Variants in GGNBP2 observed in about 807,000 individuals in gnomAD.
The protein encoded by GGNBP2 is gametogenetin binding protein 2, also known as gametogenetin-binding protein 2.
Under a neutral mutation model 85.9 loss-of-function variants are expected in GGNBP2, and 10 were observed. The observed-to-expected ratio is 0.12, with a 90% CI of 0.07 to 0.20. GGNBP2 has a LOEUF of 0.20. Among genes scored for constraint, GGNBP2 ranks in the 10% least tolerant of loss-of-function variants. GGNBP2 has a pLI of 1.00. For synonymous variants in GGNBP2, 287 were observed against 285.7 expected (o/e 1.00, Z -0.05); for missense variants, 595 against 857.8 (o/e 0.69, Z 3.83).
In GGNBP2 at chr17:36,554,909, T is replaced by A; in HGVS notation, c.174+9T>A. On this transcript the variant is annotated intron_variant, in intron 3 of 13. Transcript: ENST00000613102. ...TAAAGCAGTTCATTCAGGTAATAGT[T>A]TTTTCAATCAGTGTTTTTAATGGTG... The A allele has an allele frequency of 6.5e-7, 1 of 1,537,788 alleles. No individual in the cohort carries two copies. Among genetic ancestry groups the A allele is most frequent in the South Asian group, 1.1e-5 (1 of 89,528 alleles).
chr17:36,562,705 G>A (rs2074429542), intron 5 of GGNBP2, among the ~76,000 whole-genome samples: 1 of 151,200 alleles, frequency 6.6e-6, no homozygotes, highest in Non-Finnish European at 1.5e-5. Flanking sequence ...AGTGGCTCAT[G>A]CCTGTAATCC....
At chr17:36,578,269 G>A (rs2074611363) in intron 7 of GGNBP2, 83 bp downstream of exon 7, 11 of 1,022,364 alleles carry the variant, frequency 1.1e-5, no homozygotes, top group Non-Finnish European at 1.6e-5. Context: ...ATCACCTTCT[G>A]CCTCAGTACA....
chr17:36,545,574 T>C (rs917653557), intron 1 of GGNBP2, 45 bp from the exon 2 acceptor site: 9 of 625,800 alleles, frequency 1.4e-5, no homozygotes, highest in Non-Finnish European at 2.0e-5. Flanking sequence ...GCGAATGTGC[T>C]GCGCAGCGGC....
At chr17:36,562,083 T>C (rs1437844905) in intron 5 of GGNBP2, among the ~76,000 whole-genome samples, 1 of 152,212 alleles carries the variant, frequency 6.6e-6, no homozygotes, top group Non-Finnish European at 1.5e-5. Flanking sequence ...GGCGAAGCCA[T>C]GGAGTGTGAA....
chr17:36,554,325 A>AT (rs1387066207), intron 2 of GGNBP2, among the ~76,000 whole-genome samples: 1 of 150,218 alleles, frequency 6.7e-6, no homozygotes, highest in African/African-American at 2.4e-5. Flanking sequence ...AAAAAAAAAA[A>AT]AATGGAAACT....
chr17:36,545,877 C>A (rs373877884), intron 2 of GGNBP2, 60 bp downstream of exon 2: 4 of 1,226,168 alleles, frequency 3.3e-6, no homozygotes, highest in African/African-American at 3.0e-5. Flanking sequence ...CCCCTCCTCC[C>A]CCTCCCCCAG....
chr17:36,552,432 C>CT (rs1355561856), intron 2 of GGNBP2, among the ~76,000 whole-genome samples: 2 of 152,138 alleles, frequency 1.3e-5, no homozygotes, highest in African/African-American at 4.8e-5. Context: ...ATATTTTGCT[C>CT]TTTTCAGTCA....
chr17:36,557,859 A>G (rs2074378003), intron 4 of GGNBP2, among the ~76,000 whole-genome samples: 1 of 152,128 alleles, frequency 6.6e-6, no homozygotes, highest in South Asian at 2.1e-4. Context: ...CACGCCTGTA[A>G]TCCCAGCACT....
intron 9 of GGNBP2, among the ~76,000 whole-genome samples, chr17:36,584,635 G>A (rs1282765253): frequency 4.6e-5 from 7 of 152,182 alleles, no homozygotes; most frequent in African/African-American, 1.7e-4. Flanking sequence ...ACTGCACCTG[G>A]CCCCACATAG....
chr17:36,579,895 A>G (rs2074628868), intron 8 of GGNBP2, among the ~76,000 whole-genome samples: 1 of 152,088 alleles, frequency 6.6e-6, no homozygotes, highest in African/African-American at 2.4e-5. Context: ...CCTGTAATCC[A>G]GCTACTTGGG....
chr17:36,550,596 T>A lies in GGNBP2; in HGVS notation c.94-4224T>A, dbSNP rs1392941929. On this transcript the variant is annotated intron_variant, in intron 2 of 13. Transcript: ENST00000613102. ...ACTTAGTATATTGTTGGTTAGAACTTGTGAGAATGCGCTAAAAACAGGTTT... is the reference window on the plus strand; with the variant it reads ...ACTTAGTATATTGTTGGTTAGAACTAGTGAGAATGCGCTAAAAACAGGTTT... Among the ~76,000 whole-genome samples, 3 of 152,302 alleles carry A rather than the reference T, an allele frequency of 2.0e-5. No individual in the cohort carries two copies. In the East Asian group the frequency reaches 5.8e-4, roughly 29 times the overall value.
chr17:36,566,195 A>G (rs911219313), intron 5 of GGNBP2, among the ~76,000 whole-genome samples: 2 of 152,234 alleles, frequency 1.3e-5, no homozygotes. Context: ...GTTGTTCAGA[A>G]TCATGAAAAA....
At chr17:36,575,535 G>GTGAAATA (rs1555607560) in intron 6 of GGNBP2, among the ~76,000 whole-genome samples, 1 of 146,846 alleles carries the variant, frequency 6.8e-6, no homozygotes, top group East Asian at 2.0e-4. Flanking sequence ...TAAAACTTTA[G>GTGAAATA]TGAAATAACA....
chr17:36,569,836 C>A (rs1555606477), intron 6 of GGNBP2, among the ~76,000 whole-genome samples: 1 of 152,134 alleles, frequency 6.6e-6, no homozygotes, highest in East Asian at 1.9e-4. Context: ...GTTATTAGAG[C>A]ACATGTTTTG....
intron 2 of GGNBP2, among the ~76,000 whole-genome samples, chr17:36,548,690 T>C (rs1003539931): frequency 1.5e-5 from 2 of 131,060 alleles, no homozygotes; most frequent in African/African-American, 5.8e-5. Flanking sequence ...ATGCCTGTAA[T>C]CCTAGCACTT....
At position 36,580,010 on chromosome 17, in the gene GGNBP2, C is replaced by CAAAACA. The variant is rs554348950; in HGVS notation, c.1020+613_1020+618dup. Among the ~76,000 whole-genome samples, 114 of 151,200 alleles carry CAAAACA rather than the reference C, an allele frequency of 7.5e-4. 1 individual carries two copies. The East Asian group carries it at 0.016, about 21-fold the overall frequency. On this transcript the variant is annotated intron_variant, in intron 8 of 13. Transcript: ENST00000613102. ...GGGCAACAAGAACAAAACTCCGTCTCAAAACAAAAACAAAAACAAAAACAA... is the reference window on the plus strand; with the variant it reads ...GGGCAACAAGAACAAAACTCCGTCTCAAAACAAAAACAAAAACAAAAACAAAAACAA...
At chr17:36,562,789 A>G (rs1429313327) in intron 5 of GGNBP2, among the ~76,000 whole-genome samples, 6 of 150,530 alleles carry the variant, frequency 4.0e-5, no homozygotes. Flanking sequence ...ACATGGGGAA[A>G]CCTCATCTCT....
chr17:36,554,918 C>T lies in GGNBP2; in HGVS notation c.174+18C>T, dbSNP rs750733464. ...TCATTCAGGTAATAGTTTTTTCAAT[C>T]AGTGTTTTTAATGGTGTATGTGTAT... On this transcript the variant is annotated intron_variant, in intron 3 of 13. Transcript: ENST00000613102. 3 of 1,468,318 alleles carry T rather than the reference C, an allele frequency of 2.0e-6. No individual in the cohort carries two copies. The highest frequency in any genetic ancestry group is 1.1e-5 in the South Asian group (1 of 88,100). 91.0% of individuals were successfully genotyped at this position (1,468,318 alleles called of 1,614,324 possible).
rs374366757 is a variant in GGNBP2, at chr17:36,575,648, A to ATATATATT, written c.642-2334_642-2333insATATATTT. ...TATATATATATATATATATATATAT[A>ATATATATT]TTTTTTTTTTTTTTTGAGATGGAGT... On this transcript the variant is annotated intron_variant, in intron 6 of 13. Transcript: ENST00000613102. Among the ~76,000 whole-genome samples the ATATATATT allele has an allele frequency of 7.1e-3, 387 of 54,852 alleles. 5 individuals are homozygous for ATATATATT. Among genetic ancestry groups the ATATATATT allele is most frequent in the Middle Eastern group, 0.019 (1 of 54 alleles). 36.0% of individuals were successfully genotyped at this position (54,852 alleles called of 152,430 possible).
Sources: gnomAD v4.1 joint callset for allele counts (sites outside exome capture counted in the v4.1 genomes callset) on GRCh38, gnomAD v4.1.1 for gene constraint, MANE v1.5 for transcripts, NCBI Gene and HGNC (gene_info 2026-07-23, HGNC 2026-07-21) for gene names.